The following FGD3 variants were observed in gnomAD, a reference collection of about 807,000 sequenced individuals.
FGD3 encodes the protein FYVE, RhoGEF and PH domain-containing protein 3.
FGD3 carries 45 observed loss-of-function variants against 71.8 expected under a neutral mutation model. That is an observed-to-expected ratio of 0.63 (90% CI 0.49 to 0.80). FGD3 has a LOEUF of 0.80. FGD3 is among the 30% of genes least tolerant of loss of function. The pLI is 0.00. For missense variants in FGD3, 844 were observed against 951.5 expected (o/e 0.89, Z 1.49); for synonymous variants, 378 against 392.8 (o/e 0.96, Z 0.44).
Position 93,020,413 on chromosome 9 carries a change from C to A in FGD3, c.1483C>A (p.Pro495Thr). Residue 495 changes from proline to threonine, a missense_variant, in exon 13 of 18, where the codon CCA (proline) becomes ACA (threonine). Physicochemically the swap from Pro to Thr is conservative, Grantham distance 38. Transcript: ENST00000375482. ...FSQDEDPSLSPDMPITSTSPV... is the reference protein window; with the variant it reads ...FSQDEDPSLSTDMPITSTSPV... ...CCAGGATGAGGACCCCAGCCTCTCT[C>A]CAGACATGCCTGTGAGTCAGTGGCC... 1 of 1,613,192 alleles carries A rather than the reference C, an allele frequency of 6.2e-7. No homozygotes were observed. The highest frequency in any genetic ancestry group is 2.2e-5 in the East Asian group (1 of 44,848).
chr9:93,019,745 G>T lies in FGD3; in HGVS notation c.1356-86G>T. 10 of 1,287,448 alleles carry T rather than the reference G, an allele frequency of 7.8e-6. No individual in the cohort carries two copies. In the South Asian group the frequency reaches 1.1e-4, roughly 14 times the overall value. The allele number at this position is 1,287,448 out of a possible 1,614,324, so 79.8% of individuals were successfully genotyped here. ...GCGTTGACAAGCCAGTGCGTGGCTC[G>T]GGTGTGCTGCAGGGTTGAGAGAGGG... On this transcript the variant is annotated intron_variant, in intron 11 of 17. Transcript: ENST00000375482.
At chr9:93,025,838 C>A (rs1003517384) in intron 14 of FGD3, among the ~76,000 whole-genome samples, 3 of 152,214 alleles carry the variant, frequency 2.0e-5, no homozygotes, top group African/African-American at 7.2e-5. Context: ...TAAGGGCACC[C>A]TTGACAGGCC....
chr9:92,952,161 G>A (rs1858964846), intron 1 of FGD3, among the ~76,000 whole-genome samples: 1 of 152,084 alleles, frequency 6.6e-6, no homozygotes, highest in African/African-American at 2.4e-5. Flanking sequence ...CAATGCAGGG[G>A]GTGACCAGAG....
intron 5 of FGD3, among the ~76,000 whole-genome samples, chr9:93,004,749 C>T (rs1039473191): frequency 1.4e-4 from 21 of 152,170 alleles, no homozygotes; most frequent in Admixed American, 7.2e-4. Flanking sequence ...TTCGCAGGCC[C>T]GGCTTCCCTC....
intron 3 of FGD3, among the ~76,000 whole-genome samples, chr9:92,981,547 T>C (rs998668330): frequency 6.6e-6 from 1 of 152,314 alleles, no homozygotes; most frequent in Non-Finnish European, 1.5e-5. Flanking sequence ...ATTGTCTGTT[T>C]GGTTCAACTG....
At chr9:92,992,162 T>C (rs1199543355) in intron 3 of FGD3, among the ~76,000 whole-genome samples, 2 of 152,230 alleles carry the variant, frequency 1.3e-5, no homozygotes, top group African/African-American at 2.4e-5. Context: ...TTATTATTGA[T>C]TGGTGAGAAC....
In FGD3 at chr9:93,003,125, C is replaced by T; in HGVS notation, c.543+111C>T. On this transcript the variant is annotated intron_variant, in intron 4 of 17. Transcript: ENST00000375482. The surrounding 1 kb of genome is among the most constrained non-coding windows in gnomAD (Gnocchi z 4.1). ...AAACTCAGACAAATTTAAGTCTGGT[C>T]TACAAACTTTTTTTTTTTTTTGAGA... 1 of 1,017,746 alleles carries T rather than the reference C, an allele frequency of 9.8e-7. No individual in the cohort carries two copies. The highest frequency in any genetic ancestry group is 1.4e-6 in the Non-Finnish European group (1 of 693,294). 63.0% of individuals were successfully genotyped at this position (1,017,746 alleles called of 1,614,324 possible).
rs1859446087 is a variant in FGD3, at chr9:92,969,243, G to T, written c.-217-5995G>T. ...CCCATTGCATAAGGCTTCCCCCAAA[G>T]GCTTCAGGCCTGGCTGCCACCTGCT... On this transcript the variant is annotated intron_variant, in intron 1 of 17. Transcript: ENST00000375482. The surrounding 1 kb of genome is among the most constrained non-coding windows in gnomAD (Gnocchi z 4.5). Among the ~76,000 whole-genome samples the T allele has an allele frequency of 6.6e-6, 1 of 152,224 alleles. No homozygotes were observed.
chr9:93,012,153 CAAAA>C (rs60323624), intron 8 of FGD3, among the ~76,000 whole-genome samples: 155 of 118,396 alleles, frequency 1.3e-3, no homozygotes, highest in East Asian at 3.1e-3. Flanking sequence ...GACTCTGTCT[CAAAA>C]AAAAAAAAAA....
At chr9:93,017,646 C>T (rs1184213080) in intron 10 of FGD3, among the ~76,000 whole-genome samples, 1 of 152,116 alleles carries the variant, frequency 6.6e-6, no homozygotes, top group Admixed American at 6.5e-5. Flanking sequence ...ACACATTGTC[C>T]TATTTACATG....
intron 14 of FGD3, among the ~76,000 whole-genome samples, chr9:93,023,289 A>G (rs1363842300): frequency 2.6e-5 from 4 of 152,056 alleles, no homozygotes; most frequent in African/African-American, 9.7e-5. Flanking sequence ...CCTGAGCTTT[A>G]CCAGGCCCCA....
At chr9:93,005,542 A>G (rs551302888) in intron 5 of FGD3, among the ~76,000 whole-genome samples, 83 of 152,126 alleles carry the variant, frequency 5.5e-4, no homozygotes, top group African/African-American at 2.0e-3. Flanking sequence ...CGATTAGTAT[A>G]TTTTTCTGTT....
Position 92,966,031 on chromosome 9 carries a change from A to T in FGD3, c.-217-9207A>T, listed in dbSNP as rs572743792. ...GGCACTGTGGTGCCTGCCTGTCCCT[A>T]GGCGGGACGACCGTCAGCTGTCGGG... On this transcript the variant is annotated intron_variant, in intron 1 of 17. Transcript: ENST00000375482. Among the ~76,000 whole-genome samples, 23 of 152,332 alleles carry T rather than the reference A, an allele frequency of 1.5e-4. 1 individual carries two copies. The South Asian group carries it at 2.3e-3, about 15-fold the overall frequency.
intron 6 of FGD3, among the ~76,000 whole-genome samples, 160 bp from the exon 7 acceptor site, chr9:93,010,086 C>T (rs548481603): frequency 1.6e-3 from 248 of 152,320 alleles, no homozygotes; most frequent in African/African-American, 5.4e-3. Flanking sequence ...CAGTTTCCCT[C>T]GTTGTAAAGT....
chr9:93,009,481 C>T (rs894029431), intron 6 of FGD3, among the ~76,000 whole-genome samples: 10 of 152,162 alleles, frequency 6.6e-5, no homozygotes, highest in Non-Finnish European at 1.5e-4. Context: ...GGTGGGGAAG[C>T]TGGTGGACAG....
At chr9:92,953,051 G>A (rs750370895) in intron 1 of FGD3, among the ~76,000 whole-genome samples, 53 of 152,126 alleles carry the variant, frequency 3.5e-4, no homozygotes, top group Non-Finnish European at 5.6e-4. Context: ...GAAAGGACCC[G>A]CACCTCCCTG....
Position 93,029,203 on chromosome 9 carries a change from A to G in FGD3, c.1558-671A>G, listed in dbSNP as rs552623345. ...CCCACTACCACTACCATGCCCGGCTATTTTTTGTATATTTTTTAGTAGAGG... is the reference window on the plus strand; with the variant it reads ...CCCACTACCACTACCATGCCCGGCTGTTTTTTGTATATTTTTTAGTAGAGG... On this transcript the variant is annotated intron_variant, in intron 14 of 17. Coordinates refer to ENST00000375482, the MANE Select transcript of FGD3 (RefSeq NM_001083536.2). Among the ~76,000 whole-genome samples the G allele has an allele frequency of 4.6e-5, 7 of 151,286 alleles. No individual in the cohort carries two copies. In the South Asian group the frequency reaches 1.5e-3, roughly 32 times the overall value.
chr9:92,975,854 G>A (rs568260248), intron 2 of FGD3, among the ~76,000 whole-genome samples: 28 of 152,276 alleles, frequency 1.8e-4, no homozygotes, highest in African/African-American at 6.3e-4. Context: ...CCACGGATGC[G>A]CTATAAACAG....
rs1171100300 is a variant in FGD3, at chr9:93,017,703, G to C, written c.1276-433G>C. Among the ~76,000 whole-genome samples the C allele has an allele frequency of 5.3e-5, 8 of 152,178 alleles. No homozygotes were observed. In the East Asian group the frequency reaches 1.3e-3, roughly 26 times the overall value. The stretch of plus-strand genomic sequence containing the variant: ...CTCAGGGGCTCAGACTCTGCAGGGT[G>C]GCTAAGGCCATCCTTGCTCTTCTCA... On this transcript the variant is annotated intron_variant, in intron 10 of 17. Transcript: ENST00000375482.
Sources: gnomAD v4.1 joint callset for allele counts (sites outside exome capture counted in the v4.1 genomes callset) on GRCh38, gnomAD v4.1.1 for gene constraint, Gnocchi (gnomAD v3.1) non-coding constraint, MANE v1.5 for transcripts, NCBI Gene and HGNC (gene_info 2026-07-23, HGNC 2026-07-21) for gene names.